SUCO: variants seen among roughly 807,000 people sequenced by gnomAD.
SUCO encodes SUN domain containing ossification factor.
In SUCO, 57 loss-of-function variants were observed where a neutral mutation model predicts 148.1. The observed-to-expected ratio is 0.38, with a 90% CI of 0.31 to 0.48. The LOEUF (loss-of-function observed/expected upper bound fraction) is 0.48, where lower values mean the gene tolerates loss of function less well. Among genes scored for constraint, SUCO ranks in the 20% least tolerant of loss-of-function variants. The pLI, the probability that SUCO is intolerant of heterozygous loss-of-function variation, is 0.96. For synonymous variants in SUCO, 470 were observed against 502.7 expected, an observed-to-expected ratio of 0.93 and a Z score of 0.87; for missense variants, 1,331 against 1,468.2, an observed-to-expected ratio of 0.91 and a Z score of 1.53.
chr1:172,606,843 A>C (rs1198195125), intron 22 of SUCO, among the ~76,000 whole-genome samples: 1 of 151,756 alleles, frequency 6.6e-6, no homozygotes, highest in Non-Finnish European at 1.5e-5. Context: ...TAAACATATT[A>C]CTTCTCCGTA....
intron 6 of SUCO, among the ~76,000 whole-genome samples, chr1:172,568,629 A>G (rs1227202651): frequency 6.6e-6 from 1 of 152,200 alleles, no homozygotes; most frequent in Non-Finnish European, 1.5e-5. Flanking sequence ...ATATTAAAAC[A>G]TCTAAAATTA....
chr1:172,556,835 T>G, intron 4 of SUCO: 1 of 843,318 alleles, frequency 1.2e-6, no homozygotes, highest in Non-Finnish European at 1.4e-6. Context: ...TCCCATTATA[T>G]TAAAAATGAC....
chr1:172,568,754 A>G (rs536975459), intron 6 of SUCO, among the ~76,000 whole-genome samples: 2 of 152,302 alleles, frequency 1.3e-5, no homozygotes, highest in East Asian at 3.8e-4. Flanking sequence ...TTAGAGTTTT[A>G]TAAATTATTT....
intron 6 of SUCO, among the ~76,000 whole-genome samples, chr1:172,560,823 G>T (rs1374866653): frequency 6.6e-6 from 1 of 152,210 alleles, no homozygotes; most frequent in African/African-American, 2.4e-5. Flanking sequence ...GTCAGGAGTG[G>T]TTATGGGGTG....
In SUCO at chr1:172,537,468, C is replaced by T. The variant is rs150180152; in HGVS notation, c.62+3971C>T. Reference sequence around the variant, plus strand: ...TGTGCTTGCATTATTAAATTCTTTGCAGTAATTTTTTTAAAAGCTGCTTCC... The same window carrying T: ...TGTGCTTGCATTATTAAATTCTTTGTAGTAATTTTTTTAAAAGCTGCTTCC... On this transcript the variant is annotated intron_variant, in intron 1 of 23. Coordinates refer to ENST00000263688, the MANE Select transcript of SUCO (RefSeq NM_014283.5). Among the ~76,000 whole-genome samples the T allele has an allele frequency of 6.5e-4, 99 of 152,154 alleles. 1 individual carries two copies. The highest frequency in any genetic ancestry group is 5.2e-3 in the East Asian group (27 of 5,184).
intron 1 of SUCO, among the ~76,000 whole-genome samples, chr1:172,535,883 G>GTAC (rs1651977325): frequency 6.6e-6 from 1 of 152,108 alleles, no homozygotes; most frequent in Non-Finnish European, 1.5e-5. Flanking sequence ...GTAGCCTTGA[G>GTAC]TACTAACCTT....
At chr1:172,557,038 T>C (rs1653806292) in intron 4 of SUCO, 2 of 970,036 alleles carry the variant, frequency 2.1e-6, no homozygotes, top group Admixed American at 6.2e-5. Context: ...AGAAGATACA[T>C]TGAGAATAAG....
In SUCO at chr1:172,573,876, T is replaced by C. The variant is rs367694055; in HGVS notation, c.1050-15T>C. 33 of 1,422,094 alleles carry C rather than the reference T, an allele frequency of 2.3e-5. No homozygotes were observed. Among genetic ancestry groups the C allele is most frequent in the Non-Finnish European group, 3.1e-5 (31 of 1,014,676 alleles). The allele number at this position is 1,422,094 out of a possible 1,614,324, so 88.1% of individuals were successfully genotyped here. A position where few individuals can be genotyped will look rare whatever the true frequency, so the allele number is the denominator to read the frequency against. On this transcript the variant is annotated splice_polypyrimidine_tract_variant and intron_variant, in intron 9 of 23. Transcript: ENST00000263688. ...TTTGATTGGTTTAAGTAATTGTCTT[T>C]TGTTCTTTTTGAAGGTTTGTTATTG...
chr1:172,536,575 T>G (rs547415296), intron 1 of SUCO, among the ~76,000 whole-genome samples: 1 of 152,316 alleles, frequency 6.6e-6, no homozygotes, highest in South Asian at 2.1e-4. Context: ...TTGTCTTGGT[T>G]TTAACACTGG....
At chr1:172,598,684 A>G (rs553012965) in intron 19 of SUCO, among the ~76,000 whole-genome samples, 7 of 152,350 alleles carry the variant, frequency 4.6e-5, no homozygotes, top group African/African-American at 1.7e-4. Flanking sequence ...GTACTTTTCA[A>G]CAATGTTGTA....
At chr1:172,560,726 C>CATA (rs1459771603) in intron 6 of SUCO, among the ~76,000 whole-genome samples, 2 of 152,210 alleles carry the variant, frequency 1.3e-5, no homozygotes, top group Admixed American at 1.3e-4. Flanking sequence ...AGTTTTGATA[C>CATA]ATAAGGGAAA....
Position 172,608,743 on chromosome 1 carries a change from A to G in SUCO, c.3266-4A>G. 2 of 1,555,052 alleles carry G rather than the reference A, an allele frequency of 1.3e-6. No homozygotes were observed. The highest frequency in any genetic ancestry group is 1.2e-5 in the South Asian group (1 of 84,444). On this transcript the variant is annotated splice_region_variant and splice_polypyrimidine_tract_variant and intron_variant, in intron 22 of 23. Transcript: ENST00000263688. Reference sequence around the variant, plus strand: ...CATCTGCTTTTTTTTTTTTTTACTTACAGTAGACCCAAATGATTTGTACAT... The same window carrying G: ...CATCTGCTTTTTTTTTTTTTTACTTGCAGTAGACCCAAATGATTTGTACAT...
intron 9 of SUCO, among the ~76,000 whole-genome samples, chr1:172,572,696 TAAAAAAAAAAAAAAA>T (rs61248782): frequency 2.0e-5 from 1 of 49,600 alleles, no homozygotes; most frequent in African/African-American, 7.2e-5. Flanking sequence ...GAATGATCAA[TAAAAAAAAAAAAAAA>T]AAAAAAAAAA....
intron 14 of SUCO, 113 bp from the exon 15 acceptor site, chr1:172,579,085 TTATC>T: frequency 1.6e-6 from 1 of 627,678 alleles, no homozygotes; most frequent in South Asian, 1.9e-5. Context: ...TGATTCATAT[TTATC>T]ATAAAATGTT....
rs1440640337 is a variant in SUCO at position 172,542,304 on chromosome 1, C to CCAA, written c.62+8808_62+8809insAAC. On this transcript the variant is annotated intron_variant, in intron 1 of 23. Coordinates refer to ENST00000263688, the MANE Select transcript of SUCO (RefSeq NM_014283.5). ...GGCTGAGGCAGGAGAATCACTTGAACCTAGGAGACGGAGGTTGCGGTGAAC... is the reference window on the plus strand; with the variant it reads ...GGCTGAGGCAGGAGAATCACTTGAACCAACTAGGAGACGGAGGTTGCGGTGAAC... Among the ~76,000 whole-genome samples the CCAA allele has an allele frequency of 4.6e-5, 7 of 152,116 alleles. No homozygotes were observed. The East Asian group carries it at 1.3e-3, about 29-fold the overall frequency.
At chr1:172,593,602 G>A (rs967270831) in intron 19 of SUCO, among the ~76,000 whole-genome samples, 1 of 152,196 alleles carries the variant, frequency 6.6e-6, no homozygotes, top group African/African-American at 2.4e-5. Context: ...TGTTGAACCA[G>A]CCGTGCATCC....
chr1:172,558,206 G>C (rs1455084415), intron 6 of SUCO, among the ~76,000 whole-genome samples: 1 of 152,188 alleles, frequency 6.6e-6, no homozygotes, highest in East Asian at 1.9e-4. Flanking sequence ...TATTTTAATG[G>C]AACATTTTAC....
intron 1 of SUCO, among the ~76,000 whole-genome samples, chr1:172,548,544 A>C (rs889838256): frequency 6.6e-6 from 1 of 151,836 alleles, no homozygotes; most frequent in Non-Finnish European, 1.5e-5. Context: ...TTTTCCTGCT[A>C]TTGTCTTATC....
Position 172,556,011 on chromosome 1 carries a change from T to C in SUCO, c.431T>C (p.Ile144Thr). Residue 144 changes from isoleucine to threonine, a missense_variant, in exon 4 of 24, where the codon ATC (isoleucine) becomes ACC (threonine). Coordinates refer to ENST00000263688, the MANE Select transcript of SUCO (RefSeq NM_014283.5). ...SSSSTSEITPISKLDEIEKSG... is the reference protein window; with the variant it reads ...SSSSTSEITPTSKLDEIEKSG... ...TCATCTACCTCAGAAATCACTCCAATCTCAAAGCTTGAGTAAGTTGTTACA... is the reference window on the plus strand; with the variant it reads ...TCATCTACCTCAGAAATCACTCCAACCTCAAAGCTTGAGTAAGTTGTTACA... The C allele has an allele frequency of 6.2e-7, 1 of 1,610,878 alleles. No homozygotes were observed. Among genetic ancestry groups the C allele is most frequent in the Non-Finnish European group, 8.5e-7 (1 of 1,178,352 alleles).
Sources: allele counts gnomAD v4.1 joint callset (sites outside exome capture counted in the v4.1 genomes callset), GRCh38; gene constraint gnomAD v4.1.1; transcripts MANE v1.5; gene names NCBI Gene and HGNC (gene_info 2026-07-23, HGNC 2026-07-21).